B3GALT1: variants seen among roughly 807,000 people sequenced by gnomAD.
B3GALT1 encodes UDP-Gal:betaGlcNAc beta 1,3-galactosyltransferase, polypeptide 1.
Under a neutral mutation model 23.2 loss-of-function variants are expected in B3GALT1, and 10 were observed. The observed-to-expected ratio is 0.43, with a 90% CI of 0.27 to 0.73. The LOEUF is 0.73. Ranked by LOEUF, B3GALT1 falls within the 30% of genes least tolerant of loss-of-function variation. The pLI is 0.21. For missense variants in B3GALT1, 299 were observed against 405.4 expected, an observed-to-expected ratio of 0.74 and a Z score of 2.25; for synonymous variants, 156 against 141.5, an observed-to-expected ratio of 1.10 and a Z score of -0.73.
intron 2 of B3GALT1, among the ~76,000 whole-genome samples, chr2:167,572,631 C>T (rs1272754961): frequency 1.3e-5 from 2 of 151,810 alleles, no homozygotes; most frequent in Non-Finnish European, 1.5e-5. Context: ...TGGTACACAT[C>T]TGCCGATTGA....
rs184050190 is a variant in B3GALT1, at chr2:167,854,709, G to A, written c.-229-14102G>A. Among the ~76,000 whole-genome samples the A allele has an allele frequency of 5.9e-5, 9 of 152,312 alleles. No individual in the cohort carries two copies. The East Asian group carries it at 1.7e-3, about 29-fold the overall frequency. The stretch of plus-strand genomic sequence containing the variant: ...GAGCCTGGGAGACTTCATTATGGAT[G>A]TCAGTTTCTTTTACAGCTGGCCCAT... On this transcript the variant is annotated intron_variant, in intron 4 of 4. Coordinates refer to ENST00000392690, the MANE Select transcript of B3GALT1 (RefSeq NM_020981.4).
rs138101025 is a variant in B3GALT1 at position 167,713,054 on chromosome 2, G to T, written c.-352+66088G>T. Among the ~76,000 whole-genome samples the T allele has an allele frequency of 6.1e-3, 933 of 152,236 alleles. 9 individuals are homozygous for T. Among genetic ancestry groups the T allele is most frequent in the African/African-American group, 0.022 (898 of 41,530 alleles). On this transcript the variant is annotated intron_variant, in intron 3 of 4. Coordinates refer to ENST00000392690, the MANE Select transcript of B3GALT1 (RefSeq NM_020981.4). ...CCATGGATTTTGCAGGTGCACACAT[G>T]GCAATTATTATCCCTTCTGAGCAGA...
intron 1 of B3GALT1, among the ~76,000 whole-genome samples, chr2:167,456,495 T>C (rs1699175801): frequency 6.6e-6 from 1 of 152,192 alleles, no homozygotes; most frequent in South Asian, 2.1e-4. Context: ...ATTTCAAATC[T>C]GTATATCATA....
chr2:167,606,385 TAA>T (rs1684962443), intron 2 of B3GALT1, among the ~76,000 whole-genome samples: 1 of 152,222 alleles, frequency 6.6e-6, no homozygotes, highest in Non-Finnish European at 1.5e-5. Context: ...TCTAACACTT[TAA>T]GTCTCTGAAA....
chr2:167,690,809 T>A (rs575964055), intron 3 of B3GALT1, among the ~76,000 whole-genome samples: 1 of 152,262 alleles, frequency 6.6e-6, no homozygotes, highest in South Asian at 2.1e-4. Flanking sequence ...GAATTATTTG[T>A]TCAATAGAAG....
At chr2:167,519,150 A>T (rs926954010) in intron 2 of B3GALT1, among the ~76,000 whole-genome samples, 1 of 152,072 alleles carries the variant, frequency 6.6e-6, no homozygotes, top group Non-Finnish European at 1.5e-5. Flanking sequence ...GATGTTACAT[A>T]TAGTTATGTA....
At chr2:167,373,550 TAAA>T (rs1419240067) in intron 1 of B3GALT1, among the ~76,000 whole-genome samples, 2 of 151,824 alleles carry the variant, frequency 1.3e-5, no homozygotes, top group East Asian at 1.9e-4. Context: ...AACAGGAAAA[TAAA>T]AAAGAGGTAG....
At chr2:167,722,750 G>A (rs191693016) in intron 3 of B3GALT1, among the ~76,000 whole-genome samples, 3 of 152,076 alleles carry the variant, frequency 2.0e-5, no homozygotes, top group African/African-American at 7.2e-5. Context: ...GTTTAGAATT[G>A]GACAAAAATC....
intron 1 of B3GALT1, among the ~76,000 whole-genome samples, chr2:167,443,236 C>T (rs925952034): frequency 6.6e-6 from 1 of 151,910 alleles, no homozygotes; most frequent in Non-Finnish European, 1.5e-5. Flanking sequence ...TGATCTATAT[C>T]TCTGTTTTGG....
At chr2:167,650,824 G>A (rs982162858) in intron 3 of B3GALT1, among the ~76,000 whole-genome samples, 7 of 151,996 alleles carry the variant, frequency 4.6e-5, no homozygotes, top group Non-Finnish European at 1.0e-4. Context: ...ATTAAATAAA[G>A]CTGAAGTTCA....
At chr2:167,705,186 C>T (rs1340375914) in intron 3 of B3GALT1, among the ~76,000 whole-genome samples, 1 of 152,182 alleles carries the variant, frequency 6.6e-6, no homozygotes, top group Non-Finnish European at 1.5e-5. Flanking sequence ...CCTAGATGAG[C>T]TGAACCCAGT....
chr2:167,513,440 A>G (rs1270024131), intron 2 of B3GALT1, among the ~76,000 whole-genome samples: 1 of 152,216 alleles, frequency 6.6e-6, no homozygotes, highest in Non-Finnish European at 1.5e-5. Context: ...GAACAAATCA[A>G]TGGCAGAAGA....
Position 167,869,321 on chromosome 2 carries a change from T to C in B3GALT1, c.282T>C (p.Arg94=). The C allele has an allele frequency of 1.2e-6, 2 of 1,614,116 alleles. No homozygotes were observed. The highest frequency in any genetic ancestry group is 1.7e-6 in the Non-Finnish European group (2 of 1,180,016). Residue 94 remains arginine (R), a synonymous_variant, in exon 5 of 5, where the codon CGT becomes CGC. Transcript: ENST00000392690. The surrounding 1 kb of genome is among the most constrained non-coding windows in gnomAD (Gnocchi z 6.4). Reference sequence around the variant, plus strand: ...CCACTCACAAGGAATTTGATGCCCGTCAGGCAATCAGAGAGACGTGGGGGG... The same window carrying C: ...CCACTCACAAGGAATTTGATGCCCGCCAGGCAATCAGAGAGACGTGGGGGG... ...ISTTHKEFDA[R]QAIRETWGDE...
At chr2:167,772,094 C>T (rs940400859) in intron 3 of B3GALT1, among the ~76,000 whole-genome samples, 1 of 150,676 alleles carries the variant, frequency 6.6e-6, no homozygotes, top group Non-Finnish European at 1.5e-5. Context: ...ATCCAAAAGG[C>T]TGCCATGGTT....
chr2:167,630,109 A>G (rs1685414752), intron 2 of B3GALT1, among the ~76,000 whole-genome samples: 1 of 151,816 alleles, frequency 6.6e-6, no homozygotes, highest in South Asian at 2.1e-4. Flanking sequence ...TGTTCTTATC[A>G]GTAAAATAGG....
chr2:167,706,428 C>G (rs1686968668), intron 3 of B3GALT1, among the ~76,000 whole-genome samples: 1 of 152,200 alleles, frequency 6.6e-6, no homozygotes, highest in Admixed American at 6.5e-5. Context: ...TTGCATAAGA[C>G]ACTGAGGACC....
At chr2:167,325,463 C>T (rs1380829263) in intron 1 of B3GALT1, among the ~76,000 whole-genome samples, 2 of 151,752 alleles carry the variant, frequency 1.3e-5, no homozygotes, top group African/African-American at 4.8e-5. Context: ...TACTTTTAAA[C>T]CACCAAATTT....
chr2:167,873,012 A>G lies in B3GALT1; in HGVS notation c.*2992A>G, dbSNP rs1045732089. ...AAAAATGTTTAAGTGATCAAGAAAA[A>G]GCTCTAACTTTCGACTTTTGTTAAT... is the stretch of plus-strand genomic sequence containing the variant. On this transcript the variant is annotated 3_prime_UTR_variant, in exon 5 of 5. Coordinates refer to ENST00000392690, the MANE Select transcript of B3GALT1 (RefSeq NM_020981.4). 1.3e-5 allele frequency: 2 copies of G among 152,148 alleles called. No individual in the cohort carries two copies. Among genetic ancestry groups the G allele is most frequent in the Non-Finnish European group, 2.9e-5 (2 of 68,034 alleles). 9.4% of individuals were successfully genotyped at this position (152,148 alleles called of 1,614,324 possible). A position where few individuals can be genotyped will look rare whatever the true frequency, so the allele number is the denominator to read the frequency against.
At chr2:167,571,751 G>C (rs1380460083) in intron 2 of B3GALT1, among the ~76,000 whole-genome samples, 2 of 151,914 alleles carry the variant, frequency 1.3e-5, no homozygotes, top group African/African-American at 4.8e-5. Flanking sequence ...CACTTCCGAA[G>C]TTAAGCAGGT....
Sources: gnomAD v4.1 joint callset for allele counts (sites outside exome capture counted in the v4.1 genomes callset) on GRCh38, gnomAD v4.1.1 for gene constraint, Gnocchi (gnomAD v3.1) non-coding constraint, MANE v1.5 for transcripts, NCBI Gene and HGNC (gene_info 2026-07-23, HGNC 2026-07-21) for gene names.